FARP2: variants seen among roughly 807,000 people sequenced by gnomAD.
FARP2 encodes FERM, ARHGEF and pleckstrin domain-containing protein 2.
A neutral mutation model predicts 130.5 loss-of-function variants in FARP2; 111 were observed. The observed-to-expected ratio is 0.85, with a 90% confidence interval of 0.73 to 1.00. The LOEUF is 1.00. Ranked by LOEUF, FARP2 falls within the 50% of genes least tolerant of loss-of-function variation. FARP2 has a pLI of 0.00. For synonymous variants in FARP2, 504 were observed against 516.9 expected (o/e 0.98, Z 0.34); for missense variants, 1,385 against 1,346.3 (o/e 1.03, Z -0.45).
chr2:241,403,012 T>C, intron 2 of FARP2, among the ~76,000 whole-genome samples: 1 of 143,174 alleles, frequency 7.0e-6, no homozygotes, highest in Non-Finnish European at 1.5e-5. Flanking sequence ...ATTACAGGCG[T>C]GATCCCACCA....
chr2:241,393,865 A>G (rs1235212111), intron 2 of FARP2, among the ~76,000 whole-genome samples: 1 of 152,246 alleles, frequency 6.6e-6, no homozygotes, highest in Non-Finnish European at 1.5e-5. Context: ...ATGACCAACT[A>G]GAAAACTGGA....
intron 9 of FARP2, among the ~76,000 whole-genome samples, chr2:241,432,484 G>T (rs1263289616): frequency 6.6e-6 from 1 of 152,220 alleles, no homozygotes; most frequent in Admixed American, 6.5e-5. Flanking sequence ...TGCTCAAAAT[G>T]ATCTGAAGCC....
intron 2 of FARP2, among the ~76,000 whole-genome samples, chr2:241,394,462 G>C (rs1393901102): frequency 6.6e-6 from 1 of 150,706 alleles, no homozygotes; most frequent in Admixed American, 6.7e-5. Flanking sequence ...AGCTTGTAGT[G>C]AGCCGAGATC....
chr2:241,434,282 A>G lies in FARP2; in HGVS notation c.992A>G (p.Lys331Arg). The G allele has an allele frequency of 6.2e-7, 1 of 1,613,396 alleles. No homozygotes were observed. Among genetic ancestry groups the G allele is most frequent in the Non-Finnish European group, 8.5e-7 (1 of 1,179,818 alleles). Residue 331 changes from lysine to arginine, a missense_variant, in exon 10 of 27, where the codon AAA becomes AGA. Lys to Arg is a conservative substitution (Grantham distance 26). Coordinates refer to ENST00000264042, the MANE Select transcript of FARP2 (RefSeq NM_014808.4). ...RLLDQPKPKA[K>R]AVFFSRGSSF... ...TTGGACCAACCTAAGCCAAAAGCAA[A>G]AGCCGTCTTCTTCAGCCGGGGCTCC...
At chr2:241,373,401 A>G in intron 2 of FARP2, 111 bp downstream of exon 2, 1 of 632,638 alleles carries the variant, frequency 1.6e-6, no homozygotes, top group African/African-American at 1.9e-5. Flanking sequence ...GATCAAGAGT[A>G]GCTTTGGTAA....
chr2:241,391,852 G>T (rs533482815), intron 2 of FARP2, among the ~76,000 whole-genome samples: 2 of 152,098 alleles, frequency 1.3e-5, no homozygotes, highest in Non-Finnish European at 2.9e-5. Flanking sequence ...CCATTGAATC[G>T]TTCAAGGGCC....
intron 2 of FARP2, among the ~76,000 whole-genome samples, chr2:241,399,093 G>A (rs941084791): frequency 2.0e-5 from 3 of 152,136 alleles, no homozygotes; most frequent in African/African-American, 7.2e-5. Context: ...AGCTATTCTG[G>A]TGAGGGTCTA....
In FARP2 at chr2:241,482,239, C is replaced by A. The variant is rs1180691546; in HGVS notation, c.2263-1226C>A. On this transcript the variant is annotated intron_variant, in intron 19 of 26. Coordinates refer to ENST00000264042, the MANE Select transcript of FARP2 (RefSeq NM_014808.4). This position sits in a 1 kb window ranked among gnomAD's most constrained non-coding sequence, Gnocchi z 4.6. ...CAAATTTGACAGCTTGGTCAAAGGCCCACGGTGCTGAGCCTCACAGCTGGC... is the reference window on the plus strand; with the variant it reads ...CAAATTTGACAGCTTGGTCAAAGGCACACGGTGCTGAGCCTCACAGCTGGC... Among the ~76,000 whole-genome samples, 1 of 152,160 alleles carries A rather than the reference C, an allele frequency of 6.6e-6. No individual in the cohort carries two copies. Among genetic ancestry groups the A allele is most frequent in the Non-Finnish European group, 1.5e-5 (1 of 68,034 alleles).
intron 1 of FARP2, 92 bp from the exon 2 acceptor site, chr2:241,372,992 T>C (rs1039066559): frequency 7.0e-6 from 4 of 567,816 alleles, no homozygotes; most frequent in African/African-American, 5.8e-5. Context: ...TACAGAGGAT[T>C]CCCGTGTCTC....
chr2:241,418,685 G>A (rs966830220), intron 8 of FARP2, among the ~76,000 whole-genome samples: 1 of 152,188 alleles, frequency 6.6e-6, no homozygotes, highest in Non-Finnish European at 1.5e-5. Context: ...TAAATGGTGG[G>A]CATGGCCTGC....
intron 23 of FARP2, 30 bp from the exon 24 acceptor site, chr2:241,491,486 C>T (rs780896235): frequency 1.2e-6 from 2 of 1,611,154 alleles, no homozygotes; most frequent in South Asian, 1.1e-5. Flanking sequence ...ACAGGGGGTT[C>T]CCCCTGAGAC....
chr2:241,388,322 A>T (rs1253110388), intron 2 of FARP2, among the ~76,000 whole-genome samples: 2 of 152,244 alleles, frequency 1.3e-5, no homozygotes, highest in Non-Finnish European at 2.9e-5. Context: ...CAAGACAATC[A>T]ATGGGAGAAC....
chr2:241,487,254 C>A (rs1359455028), intron 21 of FARP2, among the ~76,000 whole-genome samples: 1 of 152,198 alleles, frequency 6.6e-6, no homozygotes, highest in Non-Finnish European at 1.5e-5. Context: ...AGAATGGCAT[C>A]TGGCACATAT....
At chr2:241,448,196 C>G (rs547523544) in intron 13 of FARP2, among the ~76,000 whole-genome samples, 1 of 152,316 alleles carries the variant, frequency 6.6e-6, no homozygotes, top group African/African-American at 2.4e-5. Context: ...ACCCCCCCTA[C>G]ATCATGCCAG....
At position 241,468,334 on chromosome 2, in the gene FARP2, C is replaced by A; in HGVS notation, c.2088C>A (p.Cys696Ter). The A allele has an allele frequency of 6.2e-7, 1 of 1,613,440 alleles. No homozygotes were observed. The highest frequency in any genetic ancestry group is 8.5e-7 in the Non-Finnish European group (1 of 1,179,980). ...ACCGCCTGCTGCTGCGCCGCCTATG[C>A]GGACATTACAGCCCCGGGCACCATG... The part of the protein sequence containing the change: ...LHYRLLLRRL[C>*]GHYSPGHHDY... Residue 696 changes from cysteine to a stop codon, truncating the protein, a stop_gained, in exon 18 of 27, where the codon TGC becomes TGA. Transcript: ENST00000264042. LOFTEE classifies it high-confidence loss of function.
chr2:241,470,442 C>T (rs1299835353), intron 18 of FARP2, among the ~76,000 whole-genome samples: 7 of 150,446 alleles, frequency 4.7e-5, no homozygotes, highest in South Asian at 2.1e-4. Flanking sequence ...GGATCTTGGA[C>T]GGAGGGGGAC....
intron 5 of FARP2, among the ~76,000 whole-genome samples, 188 bp downstream of exon 5, chr2:241,407,803 T>C (rs1325218624): frequency 6.6e-6 from 1 of 152,144 alleles, no homozygotes; most frequent in African/African-American, 2.4e-5. Flanking sequence ...TGAATAAGAC[T>C]TCAGTGTAAG....
At chr2:241,484,457 C>T (rs992905598) in intron 21 of FARP2, 126 bp downstream of exon 21, 11 of 731,740 alleles carry the variant, frequency 1.5e-5, no homozygotes, top group African/African-American at 7.0e-5. Context: ...AGTATTTGGC[C>T]GCACTGGGAG....
chr2:241,400,486 G>A lies in FARP2; in HGVS notation c.184-3342G>A, dbSNP rs115514927. Among the ~76,000 whole-genome samples the A allele has an allele frequency of 1.2e-3, 179 of 152,356 alleles. 1 individual carries two copies. The highest frequency in any genetic ancestry group is 3.9e-3 in the African/African-American group (163 of 41,590). On this transcript the variant is annotated intron_variant, in intron 2 of 26. Coordinates refer to ENST00000264042, the MANE Select transcript of FARP2 (RefSeq NM_014808.4). Reference sequence around the variant, plus strand: ...CAGTCAGCAGCAATGCCAAAGGGCAGTTCTAGAGTCGAGTACCAACTGGTG... The same window carrying A: ...CAGTCAGCAGCAATGCCAAAGGGCAATTCTAGAGTCGAGTACCAACTGGTG...
Sources: allele counts gnomAD v4.1 joint callset (sites outside exome capture counted in the v4.1 genomes callset), GRCh38; gene constraint gnomAD v4.1.1; non-coding constraint Gnocchi (gnomAD v3.1); transcripts MANE v1.5; gene names NCBI Gene and HGNC (gene_info 2026-07-23, HGNC 2026-07-21).